PLEKHG1: variants seen among roughly 807,000 people sequenced by gnomAD.
PLEKHG1 encodes the protein pleckstrin homology domain-containing family G member 1.
In PLEKHG1, 44 loss-of-function variants were observed where a neutral mutation model predicts 100.8. That is an observed-to-expected ratio of 0.44 (90% CI 0.34 to 0.56). The LOEUF (loss-of-function observed/expected upper bound fraction) is 0.56. PLEKHG1 is among the 20% of genes least tolerant of loss of function. The pLI is 0.01. For missense variants in PLEKHG1, 1,545 were observed against 1,720.9 expected, an observed-to-expected ratio of 0.90 and a Z score of 1.81; for synonymous variants, 640 against 662.5, an observed-to-expected ratio of 0.97 and a Z score of 0.52.
intron 2 of PLEKHG1, among the ~76,000 whole-genome samples, chr6:150,648,544 TA>T (rs958358039): frequency 2.0e-5 from 3 of 152,184 alleles, no homozygotes; most frequent in African/African-American, 7.2e-5. Flanking sequence ...ATTTATAGAA[TA>T]AACCTTATTT....
rs777999493 is a variant in PLEKHG1, at chr6:150,822,346, GGA to G, written c.1447+1115_1447+1116del. Among the ~76,000 whole-genome samples, 10 of 152,206 alleles carry G rather than the reference GGA, an allele frequency of 6.6e-5. No individual in the cohort carries two copies. In the South Asian group the frequency reaches 8.3e-4, roughly 13 times the overall value. ...AATAGTCACTCCAAAACTGTTGGTGGGAGTAAGTTTTTGCAACGCTTCAGGGG... is the reference window on the plus strand; with the variant it reads ...AATAGTCACTCCAAAACTGTTGGTGGGTAAGTTTTTGCAACGCTTCAGGGG... On this transcript the variant is annotated intron_variant, in intron 13 of 15. Coordinates refer to ENST00000358517, the Ensembl canonical transcript of PLEKHG1.
intron 2 of PLEKHG1, among the ~76,000 whole-genome samples, chr6:150,741,209 T>A (rs1465386431): frequency 6.6e-6 from 1 of 152,184 alleles, no homozygotes; most frequent in Non-Finnish European, 1.5e-5. Flanking sequence ...TGAAAACAGT[T>A]CAAGGTGGGC....
chr6:150,752,331 A>G (rs1783567880), intron 2 of PLEKHG1, among the ~76,000 whole-genome samples: 1 of 152,224 alleles, frequency 6.6e-6, no homozygotes, highest in Non-Finnish European at 1.5e-5. Context: ...TACATACATA[A>G]TTCAGTGGCA....
At chr6:150,711,021 G>A (rs80300451) in intron 3 of PLEKHG1, among the ~76,000 whole-genome samples, 7 of 152,324 alleles carry the variant, frequency 4.6e-5, no homozygotes, top group Non-Finnish European at 1.0e-4. Flanking sequence ...TTTTGAGGAC[G>A]CAGCGATGTT....
chr6:150,606,704 T>C (rs1776615330), intron 1 of PLEKHG1, among the ~76,000 whole-genome samples: 2 of 152,194 alleles, frequency 1.3e-5, no homozygotes, highest in Admixed American at 1.3e-4. Flanking sequence ...TTCTGGATGA[T>C]TCAGTGGAAG....
chr6:150,640,478 G>C (rs1009396271), intron 2 of PLEKHG1, among the ~76,000 whole-genome samples: 7 of 152,134 alleles, frequency 4.6e-5, no homozygotes, highest in Admixed American at 1.3e-4. Context: ...CATTCTTCCT[G>C]TATTTTCAGG....
At chr6:150,689,440 T>C (rs1416378417) in intron 3 of PLEKHG1, among the ~76,000 whole-genome samples, 1 of 152,218 alleles carries the variant, frequency 6.6e-6, no homozygotes, top group Non-Finnish European at 1.5e-5. Context: ...AACCATATGT[T>C]AATCTTTGTT....
At chr6:150,712,922 G>A (rs886101770) in intron 3 of PLEKHG1, among the ~76,000 whole-genome samples, 1 of 152,260 alleles carries the variant, frequency 6.6e-6, no homozygotes, top group Admixed American at 6.5e-5. Flanking sequence ...TAAGGGGAAA[G>A]AGAATTTAGG....
intron 3 of PLEKHG1, among the ~76,000 whole-genome samples, chr6:150,694,173 C>T (rs1780456829): frequency 1.3e-5 from 2 of 152,186 alleles, no homozygotes; most frequent in South Asian, 4.1e-4. Flanking sequence ...TGTCCCTGTC[C>T]TGGCATGCAG....
intron 3 of PLEKHG1, among the ~76,000 whole-genome samples, chr6:150,668,767 A>G (rs1462579103): frequency 6.6e-6 from 1 of 152,172 alleles, no homozygotes; most frequent in Non-Finnish European, 1.5e-5. Context: ...TTCATGTTTC[A>G]CTTATTTAAA....
intron 2 of PLEKHG1, among the ~76,000 whole-genome samples, chr6:150,736,495 G>A (rs1442262372): frequency 1.3e-5 from 2 of 152,186 alleles, no homozygotes; most frequent in Non-Finnish European, 2.9e-5. Context: ...TAGGCTGAAT[G>A]CGGTGGCTTA....
At chr6:150,803,627 G>C (rs1786838814) in intron 6 of PLEKHG1, among the ~76,000 whole-genome samples, 1 of 152,164 alleles carries the variant, frequency 6.6e-6, no homozygotes, top group African/African-American at 2.4e-5. Flanking sequence ...CTGACCATCA[G>C]AGAATTGAGT....
At chr6:150,779,347 T>TGTTTTTTTTTG (rs10653471) in intron 3 of PLEKHG1, among the ~76,000 whole-genome samples, 40 of 128,416 alleles carry the variant, frequency 3.1e-4, no homozygotes, top group East Asian at 2.4e-3. Context: ...TCAAGAAGTT[T>TGTTTTTTTTTG]TTTTTTTTTT....
rs1208496758 is a variant in PLEKHG1, at chr6:150,809,368, C to G, written c.1096-13C>G. The G allele has an allele frequency of 1.2e-6, 2 of 1,612,962 alleles. No individual in the cohort carries two copies. Among genetic ancestry groups the G allele is most frequent in the Admixed American group, 1.7e-5 (1 of 60,006 alleles). On this transcript the variant is annotated splice_polypyrimidine_tract_variant and intron_variant, in intron 8 of 15. Coordinates refer to ENST00000358517, the Ensembl canonical transcript of PLEKHG1. ...CTGAGTGTGCCTCACCCTCTCTGCT[C>G]TCTCTGCTCTAGTGTGGCAACCTCA...
intron 15 of PLEKHG1, among the ~76,000 whole-genome samples, chr6:150,838,070 C>T (rs1777323474): frequency 6.6e-6 from 1 of 152,140 alleles, no homozygotes; most frequent in Non-Finnish European, 1.5e-5. Flanking sequence ...TTGTTTCTCT[C>T]TCCTCATAGA....
intron 1 of PLEKHG1, among the ~76,000 whole-genome samples, chr6:150,631,225 A>G: frequency 6.6e-6 from 1 of 152,208 alleles, no homozygotes; most frequent in East Asian, 1.9e-4. Flanking sequence ...AAATAAATAT[A>G]TACAGCAGCT....
chr6:150,789,691 TGA>T (rs1785854048), intron 4 of PLEKHG1, among the ~76,000 whole-genome samples: 3 of 152,188 alleles, frequency 2.0e-5, no homozygotes, highest in South Asian at 2.1e-4. Context: ...AAAGTCAACT[TGA>T]TATTGTTCTA....
chr6:150,735,158 G>A lies in PLEKHG1; in HGVS notation c.411+1066G>A, dbSNP rs1451194730. Among the ~76,000 whole-genome samples the A allele has an allele frequency of 1.1e-4, 16 of 152,018 alleles. No homozygotes were observed. The East Asian group carries it at 3.1e-3, about 29-fold the overall frequency. ...TGCTCCACCACACCCAGCTAATTTT[G>A]TATTTTTAGTAAAGATGGGGTTTCA... On this transcript the variant is annotated intron_variant, in intron 2 of 15. Transcript: ENST00000358517.
rs573074014 is a variant in PLEKHG1, at chr6:150,629,801, A to G, written c.-203-8279A>G. ...AAAATCTATACTTCATAGATTTTCTATGATGTATTTCCTTTGATGACAAGA... is the reference window on the plus strand; with the variant it reads ...AAAATCTATACTTCATAGATTTTCTGTGATGTATTTCCTTTGATGACAAGA... On this transcript the variant is annotated intron_variant, in intron 1 of 3. Coordinates refer to the PLEKHG1 transcript ENST00000367326. Among the ~76,000 whole-genome samples the G allele has an allele frequency of 2.9e-3, 443 of 152,334 alleles. 1 individual carries two copies. Among genetic ancestry groups the G allele is most frequent in the Non-Finnish European group, 4.8e-3 (329 of 68,028 alleles).
Sources: gnomAD v4.1 joint callset for allele counts (sites outside exome capture counted in the v4.1 genomes callset) on GRCh38, gnomAD v4.1.1 for gene constraint, MANE v1.5 for transcripts, NCBI Gene and HGNC (gene_info 2026-07-23, HGNC 2026-07-21) for gene names.